Variants in SLC24A3 observed in about 807,000 individuals in gnomAD.
SLC24A3 encodes solute carrier family 24 member 3.
A neutral mutation model predicts 75.8 loss-of-function variants in SLC24A3; 28 were observed. The observed-to-expected ratio is 0.37, with a 90% confidence interval of 0.27 to 0.51. SLC24A3 has a LOEUF of 0.51. Ranked by LOEUF, SLC24A3 falls within the 20% of genes least tolerant of loss-of-function variation. The pLI is 0.94. For missense variants in SLC24A3, 663 were observed against 847.8 expected, an observed-to-expected ratio of 0.78 and a Z score of 2.71; for synonymous variants, 372 against 334.1, an observed-to-expected ratio of 1.11 and a Z score of -1.24.
intron 1 of SLC24A3, among the ~76,000 whole-genome samples, chr20:19,254,079 G>T (rs1298093103): frequency 1.3e-5 from 2 of 152,190 alleles, no homozygotes; most frequent in African/African-American, 2.4e-5. Flanking sequence ...TGGAAATCTG[G>T]CTCTTTATAT....
chr20:19,690,435 T>G (rs1034856598), intron 12 of SLC24A3, among the ~76,000 whole-genome samples: 1 of 150,626 alleles, frequency 6.6e-6, no homozygotes, highest in Non-Finnish European at 1.5e-5. Flanking sequence ...TTCTTCCCTC[T>G]TTTTTTTTAT....
intron 2 of SLC24A3, among the ~76,000 whole-genome samples, chr20:19,327,787 G>A (rs758789668): frequency 4.6e-5 from 7 of 152,204 alleles, no homozygotes; most frequent in East Asian, 1.9e-4. Flanking sequence ...ATGTAGAAGC[G>A]CGTTCATTCA....
rs150819390 is a variant in SLC24A3, at chr20:19,511,092, C to G, written c.272-4396C>G. 5.9e-3 allele frequency among the ~76,000 whole-genome samples: 897 copies of G among 152,248 alleles called. 5 individuals are homozygous for G. The highest frequency in any genetic ancestry group is 0.027 in the Middle Eastern group (8 of 294). ...GACCCTGCAGTAGACAACTCTGAGACCTGCTTTCCTCTGTCTCCCAGCAAG... is the reference window on the plus strand; with the variant it reads ...GACCCTGCAGTAGACAACTCTGAGAGCTGCTTTCCTCTGTCTCCCAGCAAG... On this transcript the variant is annotated intron_variant, in intron 2 of 16. Coordinates refer to ENST00000328041, the MANE Select transcript of SLC24A3 (RefSeq NM_020689.4).
chr20:19,692,317 AC>A (rs1202828106), intron 12 of SLC24A3, among the ~76,000 whole-genome samples: 4 of 152,194 alleles, frequency 2.6e-5, no homozygotes, highest in Non-Finnish European at 5.9e-5. Flanking sequence ...CCACAAAAAG[AC>A]TTGTACAACA....
chr20:19,389,107 C>T (rs1986323978), intron 2 of SLC24A3, among the ~76,000 whole-genome samples: 1 of 152,028 alleles, frequency 6.6e-6, no homozygotes, highest in South Asian at 2.1e-4. Flanking sequence ...CATACAAAAA[C>T]TCTCCATTTT....
intron 3 of SLC24A3, among the ~76,000 whole-genome samples, chr20:19,518,368 C>G (rs1362290625): frequency 1.1e-4 from 16 of 152,204 alleles, no homozygotes. Flanking sequence ...TGAAGAGAAC[C>G]ACTTATGGTC....
chr20:19,546,384 C>T (rs540367041), intron 3 of SLC24A3, among the ~76,000 whole-genome samples: 19 of 152,166 alleles, frequency 1.2e-4, no homozygotes, highest in African/African-American at 3.9e-4. Flanking sequence ...CCTGTGACAC[C>T]GAAATCCTTT....
intron 2 of SLC24A3, among the ~76,000 whole-genome samples, chr20:19,397,624 AG>A (rs1986476374): frequency 6.7e-6 from 1 of 149,368 alleles, no homozygotes; most frequent in Non-Finnish European, 1.5e-5. Context: ...ATAAAGGAAA[AG>A]GTTGTGCTTT....
Position 19,681,888 on chromosome 20 carries a change from G to A in SLC24A3, c.798G>A (p.Glu266=). 6 of 1,614,166 alleles carry A rather than the reference G, an allele frequency of 3.7e-6. No homozygotes were observed. The South Asian group carries it at 6.6e-5, about 18-fold the overall frequency. The change falls in exon 10 of 17, where the codon GAG becomes GAA. Residue 266 remains glutamate, a synonymous_variant. Transcript: ENST00000328041. ...KYNACIHQCF[E]RRTKGAGNMV... is the part of the protein sequence containing the mutation. ...ACGCTTGCATACATCAGTGCTTTGA[G>A]AGGAGGACAAAAGGTGCCGGGAACA...
intron 2 of SLC24A3, among the ~76,000 whole-genome samples, chr20:19,412,012 C>T (rs1986751277): frequency 6.6e-6 from 1 of 152,118 alleles, no homozygotes; most frequent in Non-Finnish European, 1.5e-5. Context: ...TGTGAGTACA[C>T]GGGGTCAGGG....
intron 6 of SLC24A3, among the ~76,000 whole-genome samples, chr20:19,623,812 T>G (rs1034480802): frequency 6.6e-6 from 1 of 152,158 alleles, no homozygotes; most frequent in Non-Finnish European, 1.5e-5. Flanking sequence ...CATCTGTGGA[T>G]GAAGAGCAAA....
At chr20:19,686,010 G>A (rs556015515) in intron 12 of SLC24A3, among the ~76,000 whole-genome samples, 27 of 152,142 alleles carry the variant, frequency 1.8e-4, no homozygotes, top group Admixed American at 1.0e-3. Flanking sequence ...TGTAAGTTTC[G>A]CAAGTTTTAA....
intron 2 of SLC24A3, among the ~76,000 whole-genome samples, chr20:19,490,872 G>A (rs1988199577): frequency 6.6e-6 from 1 of 152,164 alleles, no homozygotes; most frequent in Non-Finnish European, 1.5e-5. Flanking sequence ...TGGAATGAAT[G>A]GCTGGCTTGC....
At chr20:19,406,227 T>TGA (rs372337464) in intron 2 of SLC24A3, among the ~76,000 whole-genome samples, 3 of 151,410 alleles carry the variant, frequency 2.0e-5, no homozygotes, top group Admixed American at 2.0e-4. Flanking sequence ...TGTGTGTGTG[T>TGA]GAGAGAGAGA....
Position 19,403,370 on chromosome 20 carries a change from A to T in SLC24A3, c.272-112118A>T, listed in dbSNP as rs1600466528. On this transcript the variant is annotated intron_variant, in intron 2 of 16. Transcript: ENST00000328041. ...TGAAGTTTTGCCTGATTCTAGGATCACAAATAAAAGTCAATGAATTTTCTT... is the reference window on the plus strand; with the variant it reads ...TGAAGTTTTGCCTGATTCTAGGATCTCAAATAAAAGTCAATGAATTTTCTT... Among the ~76,000 whole-genome samples the T allele has an allele frequency of 3.3e-5, 5 of 152,326 alleles. 1 individual carries two copies. In the South Asian group the frequency reaches 1.0e-3, roughly 32 times the overall value.
intron 2 of SLC24A3, among the ~76,000 whole-genome samples, chr20:19,464,273 A>T (rs1987728174): frequency 6.6e-6 from 1 of 152,218 alleles, no homozygotes. Context: ...GCTCTGGCTC[A>T]TGACTTCCTT....
chr20:19,617,017 C>T (rs183345546), intron 6 of SLC24A3, among the ~76,000 whole-genome samples: 141 of 152,086 alleles, frequency 9.3e-4, no homozygotes, highest in African/African-American at 3.2e-3. Context: ...AGATGAAGCC[C>T]CTCCCCTCAT....
intron 2 of SLC24A3, among the ~76,000 whole-genome samples, chr20:19,451,956 C>T (rs1034477176): frequency 1.3e-5 from 2 of 152,210 alleles, no homozygotes; most frequent in African/African-American, 2.4e-5. Context: ...CTCCCCATCC[C>T]GTTTGCTTTC....
intron 15 of SLC24A3, among the ~76,000 whole-genome samples, chr20:19,712,674 A>C (rs528916129): frequency 1.1e-4 from 16 of 152,312 alleles, no homozygotes; most frequent in African/African-American, 3.8e-4. Flanking sequence ...GAGGAGCCCT[A>C]CAGGCCTCTT....
Sources: gnomAD v4.1 joint callset for allele counts (sites outside exome capture counted in the v4.1 genomes callset) on GRCh38, gnomAD v4.1.1 for gene constraint, MANE v1.5 for transcripts, NCBI Gene and HGNC (gene_info 2026-07-23, HGNC 2026-07-21) for gene names.